HOOK3: variants seen among roughly 807,000 people sequenced by gnomAD.
The protein encoded by HOOK3 is hook microtubule tethering protein 3.
Under a neutral mutation model 116.3 loss-of-function variants are expected in HOOK3, and 24 were observed. The ratio of observed to expected loss-of-function variants is 0.21; its 90% CI spans 0.15 to 0.29. The LOEUF (loss-of-function observed/expected upper bound fraction) is 0.29, where lower values mean the gene tolerates loss of function less well. HOOK3 is among the 10% of genes least tolerant of loss of function. The probability of loss-of-function intolerance (pLI) is 1.00; values close to 1 mark genes in which losing one functional copy is unlikely to be tolerated. For missense variants in HOOK3, 632 were observed against 830.2 expected, an observed-to-expected ratio of 0.76 and a Z score of 2.93; for synonymous variants, 275 against 283.0, an observed-to-expected ratio of 0.97 and a Z score of 0.28.
intron 4 of HOOK3, among the ~76,000 whole-genome samples, chr8:42,940,768 T>C (rs1030061918): frequency 2.0e-5 from 3 of 152,204 alleles, no homozygotes; most frequent in African/African-American, 7.2e-5. Context: ...TGGTGTTTTC[T>C]ATATTTCCTG....
chr8:42,934,774 T>G (rs913839654), intron 4 of HOOK3, among the ~76,000 whole-genome samples: 1 of 152,246 alleles, frequency 6.6e-6, no homozygotes, highest in African/African-American at 2.4e-5. Flanking sequence ...GTGCCACATT[T>G]TCTTTATCCA....
intron 21 of HOOK3, 71 bp from the exon 22 acceptor site, chr8:43,018,287 A>G: frequency 2.1e-6 from 3 of 1,399,700 alleles, no homozygotes; most frequent in Non-Finnish European, 2.9e-6. Flanking sequence ...ATTCTGCATG[A>G]TGAAATTTTC....
At chr8:42,919,917 C>T (rs1807623425) in intron 2 of HOOK3, among the ~76,000 whole-genome samples, 1 of 150,670 alleles carries the variant, frequency 6.6e-6, no homozygotes, top group African/African-American at 2.4e-5. Context: ...GGCTCGGCAT[C>T]AGAGGGAGAC....
At chr8:42,991,794 G>T (rs1809166169) in intron 15 of HOOK3, among the ~76,000 whole-genome samples, 1 of 151,042 alleles carries the variant, frequency 6.6e-6, no homozygotes, top group Non-Finnish European at 1.5e-5. Context: ...TCACTAAATT[G>T]CCCAGGCAGG....
At chr8:43,016,716 A>T (rs1374026861) in intron 21 of HOOK3, among the ~76,000 whole-genome samples, 1 of 152,260 alleles carries the variant, frequency 6.6e-6, no homozygotes, top group Non-Finnish European at 1.5e-5. Flanking sequence ...TAATATATGT[A>T]GCCAAATGTA....
chr8:42,922,835 G>C (rs1807682577), intron 2 of HOOK3, among the ~76,000 whole-genome samples: 1 of 146,208 alleles, frequency 6.8e-6, no homozygotes, highest in Admixed American at 6.9e-5. Flanking sequence ...AGCTGAGATT[G>C]TGTCACTGCA....
intron 2 of HOOK3, among the ~76,000 whole-genome samples, chr8:42,906,979 A>G (rs1807323257): frequency 6.6e-6 from 1 of 152,220 alleles, no homozygotes; most frequent in Non-Finnish European, 1.5e-5. Flanking sequence ...ATTTGGGATA[A>G]ATAAAGCATA....
chr8:42,925,561 C>A lies in HOOK3; in HGVS notation c.148C>A (p.Pro50Thr). Reference sequence around the variant, plus strand: ...AAGCTTTTTCTTATTTTGCAGAGATCCTGCATATTTTGATGAAAATTGGCT... The same window carrying A: ...AAGCTTTTTCTTATTTTGCAGAGATACTGCATATTTTGATGAAAATTGGCT... ...VMAQVLQKID[P>T]AYFDENWLNR... Residue 50 changes from proline to threonine, a missense_variant, in exon 3 of 22, where the codon CCT (proline) becomes ACT (threonine). Coordinates refer to ENST00000307602, the MANE Select transcript of HOOK3 (RefSeq NM_032410.4). 1 of 1,594,310 alleles carries A rather than the reference C, an allele frequency of 6.3e-7. No homozygotes were observed. Among genetic ancestry groups the A allele is most frequent in the South Asian group, 1.1e-5 (1 of 88,052 alleles).
chr8:42,943,272 A>G, intron 4 of HOOK3, 41 bp from the exon 5 acceptor site: 2 of 1,262,596 alleles, frequency 1.6e-6, no homozygotes, highest in South Asian at 4.9e-5. Context: ...TTTTGGTCAT[A>G]TAAATGTAAA....
At chr8:42,936,177 T>C (rs1301875721) in intron 4 of HOOK3, among the ~76,000 whole-genome samples, 1 of 152,228 alleles carries the variant, frequency 6.6e-6, no homozygotes, top group Non-Finnish European at 1.5e-5. Context: ...AGTTGACTTA[T>C]GATTTGGTTA....
At chr8:42,928,665 A>G (rs2130362210) in intron 3 of HOOK3, among the ~76,000 whole-genome samples, 2 of 152,270 alleles carry the variant, frequency 1.3e-5, no homozygotes, top group African/African-American at 4.8e-5. Flanking sequence ...AGAAAAGTTT[A>G]TCATAGTCTT....
chr8:42,955,633 C>T (rs991632605), intron 6 of HOOK3, among the ~76,000 whole-genome samples: 3 of 151,972 alleles, frequency 2.0e-5, no homozygotes, highest in South Asian at 2.1e-4. Flanking sequence ...AAATCAACTG[C>T]GTTCACTATC....
intron 13 of HOOK3, among the ~76,000 whole-genome samples, chr8:42,975,663 A>G (rs567137965): frequency 3.9e-5 from 6 of 152,328 alleles, no homozygotes; most frequent in Middle Eastern, 3.4e-3. Context: ...TCTCCAAAGG[A>G]GAAACAAAAG....
chr8:42,924,846 G>T (rs1481012759), intron 2 of HOOK3, among the ~76,000 whole-genome samples: 1 of 151,664 alleles, frequency 6.6e-6, no homozygotes, highest in Non-Finnish European at 1.5e-5. Flanking sequence ...GGTGGTGTGG[G>T]CCTATAATCC....
chr8:42,997,820 C>T, intron 16 of HOOK3, 183 bp downstream of exon 16: 1 of 511,832 alleles, frequency 2.0e-6, no homozygotes, highest in South Asian at 2.1e-5. Context: ...TTTATTGTCT[C>T]TTCAGATTCG....
rs184396003 is a variant in HOOK3, at chr8:42,945,327, C to T, written c.400+1882C>T. On this transcript the variant is annotated intron_variant, in intron 5 of 21. Transcript: ENST00000307602. ...TTTATTCTATTTTATTTTATTTTTT[C>T]GAGATGGAGTCTTGCTCTGTTGCCC... Among the ~76,000 whole-genome samples, 88 of 151,598 alleles carry T rather than the reference C, an allele frequency of 5.8e-4. 1 individual carries two copies. The East Asian group carries it at 0.015, about 27-fold the overall frequency.
Position 42,982,260 on chromosome 8 carries a change from AAAAAAAAAAAG to A in HOOK3, c.1322-356_1322-346del, listed in dbSNP as rs1403928237. 4.4e-3 allele frequency among the ~76,000 whole-genome samples: 644 copies of A among 144,988 alleles called. 13 individuals are homozygous for A. Among genetic ancestry groups the A allele is most frequent in the African/African-American group, 0.016 (611 of 39,184 alleles). ...ACAGAGTGAGACTCTGTCTTAAAAA[AAAAAAAAAAAG>A]AAAAAAAAAAAGAAAAAAGGTAGAA... On this transcript the variant is annotated intron_variant, in intron 13 of 21. Transcript: ENST00000307602.
intron 17 of HOOK3, among the ~76,000 whole-genome samples, chr8:43,005,995 T>C (rs1227683266): frequency 1.5e-5 from 2 of 129,618 alleles, no homozygotes; most frequent in Admixed American, 7.4e-5. Context: ...GCACCTGGTC[T>C]ATTTATTTAT....
chr8:42,939,544 C>T (rs1251835444), intron 4 of HOOK3, among the ~76,000 whole-genome samples: 7 of 146,276 alleles, frequency 4.8e-5, no homozygotes, highest in South Asian at 2.2e-4. Context: ...ACCTCCCTCC[C>T]GGACAGGGCG....
Sources: gnomAD v4.1 joint callset for allele counts (sites outside exome capture counted in the v4.1 genomes callset) on GRCh38, gnomAD v4.1.1 for gene constraint, MANE v1.5 for transcripts, NCBI Gene and HGNC (gene_info 2026-07-23, HGNC 2026-07-21) for gene names.